GPC6: variants seen among roughly 807,000 people sequenced by gnomAD.
GPC6 encodes glypican 6.
A neutral mutation model predicts 55.2 loss-of-function variants in GPC6; 14 were observed. The observed-to-expected ratio is 0.25, with a 90% CI of 0.17 to 0.40. GPC6 has a LOEUF of 0.40. Among genes scored for constraint, GPC6 ranks in the 10% least tolerant of loss-of-function variants. GPC6 has a pLI of 1.00. For synonymous variants in GPC6, 278 were observed against 259.6 expected (o/e 1.07, Z -0.68); for missense variants, 641 against 708.5 (o/e 0.90, Z 1.08).
chr13:93,502,151 G>A (rs1422957814), intron 1 of GPC6, among the ~76,000 whole-genome samples: 1 of 151,886 alleles, frequency 6.6e-6, no homozygotes, highest in Admixed American at 6.6e-5. Context: ...ACTTTTCAAG[G>A]TAACAATGTA....
chr13:93,944,125 G>C (rs1201450956), intron 3 of GPC6, among the ~76,000 whole-genome samples: 1 of 151,886 alleles, frequency 6.6e-6, no homozygotes, highest in Admixed American at 6.6e-5. Context: ...TATAATTGCA[G>C]TCAAGTCTAT....
At chr13:93,229,641 T>G (rs746204602) in intron 1 of GPC6, among the ~76,000 whole-genome samples, 2 of 152,130 alleles carry the variant, frequency 1.3e-5, no homozygotes, top group Non-Finnish European at 2.9e-5. Context: ...TTTGTTTTTG[T>G]TTTTGGTTTC....
chr13:93,317,859 T>C (rs1316054268), intron 1 of GPC6, among the ~76,000 whole-genome samples: 1 of 152,166 alleles, frequency 6.6e-6, no homozygotes, highest in Non-Finnish European at 1.5e-5. Flanking sequence ...TGTGCTATGA[T>C]AAGCTCATCT....
intron 2 of GPC6, among the ~76,000 whole-genome samples, chr13:93,600,267 G>T (rs942788385): frequency 6.6e-6 from 1 of 152,124 alleles, no homozygotes. Flanking sequence ...GTCTAGCAGA[G>T]GAAATTTACA....
chr13:93,815,536 A>G (rs73549589), intron 2 of GPC6, among the ~76,000 whole-genome samples: 1,540 of 152,266 alleles, frequency 0.01, 22 homozygotes, highest in African/African-American at 0.036. Context: ...ATTAAAGATG[A>G]TTGTTTTTTG....
At chr13:93,727,225 A>T (rs558303990) in intron 2 of GPC6, among the ~76,000 whole-genome samples, 25 of 152,270 alleles carry the variant, frequency 1.6e-4, no homozygotes, top group African/African-American at 5.8e-4. Flanking sequence ...TTCCACTAAA[A>T]TATACTGCTC....
chr13:94,086,178 A>G (rs1479700969), intron 4 of GPC6, among the ~76,000 whole-genome samples: 1 of 152,210 alleles, frequency 6.6e-6, no homozygotes, highest in African/African-American at 2.4e-5. Context: ...TTATTGGAAA[A>G]AAAGGTTTAG....
chr13:94,150,713 C>T (rs1317460255), intron 4 of GPC6, among the ~76,000 whole-genome samples: 1 of 150,656 alleles, frequency 6.6e-6, no homozygotes, highest in Non-Finnish European at 1.5e-5. Context: ...CACTTTGGGA[C>T]CAGCATGGAT....
chr13:94,388,482 G>A (rs991762139), intron 7 of GPC6, among the ~76,000 whole-genome samples: 6 of 152,166 alleles, frequency 3.9e-5, no homozygotes, highest in African/African-American at 9.7e-5. Context: ...CACAGCCTTC[G>A]CAATGCAGAA....
intron 2 of GPC6, among the ~76,000 whole-genome samples, chr13:93,684,327 A>G (rs931402320): frequency 6.6e-6 from 1 of 152,062 alleles, no homozygotes; most frequent in Non-Finnish European, 1.5e-5. Flanking sequence ...CTGGGACTAC[A>G]GGTGCCCACC....
At chr13:93,313,740 C>T (rs561434678) in intron 1 of GPC6, among the ~76,000 whole-genome samples, 1 of 151,982 alleles carries the variant, frequency 6.6e-6, no homozygotes, top group Non-Finnish European at 1.5e-5. Context: ...GATCATAGTG[C>T]ACTATAGCCT....
chr13:93,928,416 G>A (rs1046961054), intron 3 of GPC6, among the ~76,000 whole-genome samples: 4 of 152,094 alleles, frequency 2.6e-5, no homozygotes, highest in South Asian at 4.1e-4. Flanking sequence ...TATATAAAGT[G>A]TAGCTATCCT....
rs1259020274 is a variant in GPC6 at position 94,008,696 on chromosome 13, C to T, written c.712-19033C>T. The stretch of plus-strand genomic sequence containing the variant: ...ATAGTTGGAAAGGATGCATTTGGTG[C>T]CATATTGTAAATATTAACAGTTAAG... On this transcript the variant is annotated intron_variant, in intron 3 of 8. Coordinates refer to ENST00000377047, the MANE Select transcript of GPC6 (RefSeq NM_005708.5). 2.6e-5 allele frequency among the ~76,000 whole-genome samples: 4 copies of T among 152,142 alleles called. No homozygotes were observed. The South Asian group carries it at 8.3e-4, about 32-fold the overall frequency.
chr13:93,466,322 C>T (rs895193), intron 1 of GPC6, among the ~76,000 whole-genome samples: 26,439 of 152,020 alleles, frequency 0.17, 2,866 homozygotes, highest in East Asian at 0.48. Flanking sequence ...CATTTGTTTT[C>T]GTCACGTATA....
chr13:94,188,965 C>T (rs1031640293), intron 4 of GPC6, among the ~76,000 whole-genome samples: 6 of 152,098 alleles, frequency 3.9e-5, no homozygotes, highest in African/African-American at 1.4e-4. Context: ...GGAGAAGCAG[C>T]CCCAGTTTGC....
intron 1 of GPC6, among the ~76,000 whole-genome samples, chr13:93,439,690 T>A (rs1027314448): frequency 1.2e-4 from 17 of 144,620 alleles, no homozygotes; most frequent in African/African-American, 3.7e-4. Context: ...ATAAAATAAA[T>A]AAAAAAAATA....
At chr13:93,927,368 A>C (rs919774776) in intron 3 of GPC6, among the ~76,000 whole-genome samples, 2 of 152,186 alleles carry the variant, frequency 1.3e-5, no homozygotes, top group Admixed American at 6.5e-5. Flanking sequence ...TTCCTTCCTT[A>C]CTATCATCTT....
intron 1 of GPC6, among the ~76,000 whole-genome samples, chr13:93,520,320 T>C (rs765724222): frequency 7.2e-5 from 11 of 151,988 alleles, no homozygotes; most frequent in Non-Finnish European, 1.5e-4. Flanking sequence ...TTTTACTTGC[T>C]GCCCTAGGCT....
chr13:93,396,345 A>G (rs1197390035), intron 1 of GPC6, among the ~76,000 whole-genome samples: 1 of 152,168 alleles, frequency 6.6e-6, no homozygotes. Flanking sequence ...TGGGCGGATC[A>G]TGAGGTTAGG....
Sources: allele counts gnomAD v4.1 joint callset (sites outside exome capture counted in the v4.1 genomes callset), GRCh38; gene constraint gnomAD v4.1.1; transcripts MANE v1.5; gene names NCBI Gene and HGNC (gene_info 2026-07-23, HGNC 2026-07-21).